Variants in PIK3AP1 observed in about 807,000 individuals in gnomAD.
PIK3AP1 encodes the protein phosphoinositide-3-kinase adaptor protein 1.
A neutral mutation model predicts 88.1 loss-of-function variants in PIK3AP1; 21 were observed. That is an observed-to-expected ratio of 0.24 (90% CI 0.17 to 0.34). The LOEUF is 0.34. Ranked by LOEUF, PIK3AP1 falls within the 10% of genes least tolerant of loss-of-function variation. The probability of loss-of-function intolerance (pLI) is 1.00; values close to 1 mark genes in which losing one functional copy is unlikely to be tolerated. For missense variants in PIK3AP1, 828 were observed against 1,035.7 expected, an observed-to-expected ratio of 0.80 and a Z score of 2.75; for synonymous variants, 398 against 400.0, an observed-to-expected ratio of 1.00 and a Z score of 0.06.
chr10:96,686,127 A>G (rs1467717936), intron 2 of PIK3AP1, among the ~76,000 whole-genome samples: 1 of 152,150 alleles, frequency 6.6e-6, no homozygotes, highest in African/African-American at 2.4e-5. Context: ...TTTCCTTCAC[A>G]ATTCAGGATG....
chr10:96,661,957 C>T lies in PIK3AP1; in HGVS notation c.431-5023G>A, dbSNP rs139244461. On this transcript the variant is annotated intron_variant, in intron 2 of 16. Transcript: ENST00000339364. ...TTTAGATGGATTAGAGATTAAAATG[C>T]AAAATAAATAAACAAATTTTAAAAA... 3.4e-3 allele frequency among the ~76,000 whole-genome samples: 518 copies of T among 151,788 alleles called. 3 individuals are homozygous for T. Among genetic ancestry groups the T allele is most frequent in the African/African-American group, 0.012 (497 of 41,372 alleles).
At chr10:96,659,627 C>T (rs574152981) in intron 2 of PIK3AP1, among the ~76,000 whole-genome samples, 2 of 150,984 alleles carry the variant, frequency 1.3e-5, no homozygotes, top group South Asian at 4.2e-4. Context: ...CTTTGGGAGG[C>T]TGAGGTGGGA....
intron 2 of PIK3AP1, among the ~76,000 whole-genome samples, chr10:96,690,933 ATTC>A (rs1203735483): frequency 2.0e-5 from 3 of 152,188 alleles, no homozygotes. Flanking sequence ...AGGGGCTGTA[ATTC>A]TTCTTCTTGG....
intron 12 of PIK3AP1, among the ~76,000 whole-genome samples, chr10:96,620,037 G>T (rs751773409): frequency 6.6e-6 from 1 of 152,190 alleles, no homozygotes; most frequent in Non-Finnish European, 1.5e-5. Context: ...AAAGAAAAAA[G>T]CTGGAAAGCA....
chr10:96,631,085 G>A (rs567405288), intron 8 of PIK3AP1, among the ~76,000 whole-genome samples: 1 of 152,218 alleles, frequency 6.6e-6, no homozygotes, highest in East Asian at 1.9e-4. Flanking sequence ...AGACATGCTC[G>A]GGTCAGACAC....
intron 3 of PIK3AP1, among the ~76,000 whole-genome samples, chr10:96,656,103 C>T (rs1843611354): frequency 6.6e-6 from 1 of 152,186 alleles, no homozygotes; most frequent in African/African-American, 2.4e-5. Context: ...GCCATCTTAG[C>T]AAAGAGCTTG....
intron 2 of PIK3AP1, among the ~76,000 whole-genome samples, chr10:96,708,858 C>T (rs1213763033): frequency 6.6e-6 from 1 of 151,534 alleles, no homozygotes; most frequent in African/African-American, 2.4e-5. Context: ...TGGCGGGGCA[C>T]GGAGGCTCAT....
At chr10:96,638,138 G>A (rs1268733536) in intron 8 of PIK3AP1, among the ~76,000 whole-genome samples, 1 of 152,152 alleles carries the variant, frequency 6.6e-6, no homozygotes, top group Admixed American at 6.5e-5. Flanking sequence ...TGATTTGAAT[G>A]TGTGCCCCAA....
intron 2 of PIK3AP1, among the ~76,000 whole-genome samples, chr10:96,667,964 ATCTAACT>A (rs1458573996): frequency 6.6e-6 from 1 of 152,232 alleles, no homozygotes; most frequent in Non-Finnish European, 1.5e-5. Flanking sequence ...ATATTTTTAT[ATCTAACT>A]TCTATCTATA....
intron 8 of PIK3AP1, among the ~76,000 whole-genome samples, chr10:96,634,166 C>T (rs1297296765): frequency 6.6e-6 from 1 of 152,188 alleles, no homozygotes. Context: ...CCACCAGGAC[C>T]ATAGCGAGAG....
At chr10:96,618,647 G>A (rs1289133000) in intron 12 of PIK3AP1, 1 of 151,618 alleles carries the variant, frequency 6.6e-6, no homozygotes, top group Non-Finnish European at 1.5e-5. Flanking sequence ...TATTTACTAC[G>A]TACCAGTTAT....
intron 8 of PIK3AP1, 114 bp downstream of exon 8, chr10:96,645,359 C>T: frequency 7.6e-6 from 8 of 1,051,580 alleles, no homozygotes; most frequent in Non-Finnish European, 1.1e-5. Flanking sequence ...GGACCTTCAT[C>T]TCTCTGGGGT....
At chr10:96,625,645 G>A (rs958504795) in intron 10 of PIK3AP1, among the ~76,000 whole-genome samples, 6 of 152,228 alleles carry the variant, frequency 3.9e-5, no homozygotes, top group African/African-American at 1.4e-4. Flanking sequence ...GGCTCTGGGT[G>A]AATGCTACCT....
In PIK3AP1 at chr10:96,713,901, C is replaced by T. The variant is rs892872969; in HGVS notation, c.14-3918G>A. Among the ~76,000 whole-genome samples, 6 of 152,046 alleles carry T rather than the reference C, an allele frequency of 3.9e-5. No homozygotes were observed. The East Asian group carries it at 5.8e-4, about 15-fold the overall frequency. On this transcript the variant is annotated intron_variant, in intron 1 of 16. Transcript: ENST00000339364. ...CAGACTCCAAGTCAAGGGCTGGCTG[C>T]GGTGGCTCAAGCCTGTAATCCCAGC...
chr10:96,700,943 T>A (rs1844290194), intron 2 of PIK3AP1: 12 of 370,982 alleles, frequency 3.2e-5, no homozygotes, highest in Admixed American at 1.0e-4. Context: ...ACTGTGCCCA[T>A]AACAGCCCAT....
intron 14 of PIK3AP1, among the ~76,000 whole-genome samples, chr10:96,608,461 C>T (rs769429884): frequency 2.0e-5 from 3 of 152,200 alleles, no homozygotes; most frequent in Non-Finnish European, 2.9e-5. Context: ...CAGGCAGTCA[C>T]GTGATAGGCT....
intron 2 of PIK3AP1, among the ~76,000 whole-genome samples, chr10:96,661,580 A>G (rs1490999736): frequency 1.3e-5 from 2 of 152,194 alleles, no homozygotes; most frequent in Non-Finnish European, 2.9e-5. Flanking sequence ...CATGCTTTCC[A>G]CTTAATTTTG....
chr10:96,628,909 T>TATATATAC (rs1564961342), intron 8 of PIK3AP1, among the ~76,000 whole-genome samples: 1 of 10,598 alleles, frequency 9.4e-5, no homozygotes, highest in Non-Finnish European at 2.3e-4. Flanking sequence ...TATATATATG[T>TATATATAC]GTATATATAT....
At chr10:96,622,546 A>G (rs9633706) in intron 11 of PIK3AP1, among the ~76,000 whole-genome samples, 105,312 of 152,090 alleles carry the variant, frequency 0.69, 37,829 homozygotes, top group Middle Eastern at 0.83. Context: ...CCAACCATTC[A>G]CTTATCTGTC....
Sources: gnomAD v4.1 joint callset for allele counts (sites outside exome capture counted in the v4.1 genomes callset) on GRCh38, gnomAD v4.1.1 for gene constraint, MANE v1.5 for transcripts, NCBI Gene and HGNC (gene_info 2026-07-23, HGNC 2026-07-21) for gene names.